SLC6A3: variants seen among roughly 807,000 people sequenced by gnomAD.
The protein encoded by SLC6A3 is sodium-dependent dopamine transporter.
In SLC6A3, 19 loss-of-function variants were observed where a neutral mutation model predicts 70.4. The observed-to-expected ratio is 0.27, with a 90% CI of 0.19 to 0.40. The LOEUF is 0.40. Among genes scored for constraint, SLC6A3 ranks in the 10% least tolerant of loss-of-function variants. The probability of loss-of-function intolerance (pLI) is 1.00; values close to 1 mark genes in which losing one functional copy is unlikely to be tolerated. For synonymous variants in SLC6A3, 368 were observed against 356.6 expected (o/e 1.03, Z -0.36); for missense variants, 613 against 838.5 (o/e 0.73, Z 3.32).
At chr5:1,415,618 G>T (rs1267972786) in intron 7 of SLC6A3, among the ~76,000 whole-genome samples, 1 of 152,180 alleles carries the variant, frequency 6.6e-6, no homozygotes, top group African/African-American at 2.4e-5. Context: ...ATAAAATTCT[G>T]TTTCTGTTTT....
chr5:1,416,188 G>A lies in SLC6A3; in HGVS notation c.941C>T (p.Ala314Val), dbSNP rs747783826. 10 of 1,613,156 alleles carry A rather than the reference G, an allele frequency of 6.2e-6. No individual in the cohort carries two copies. The highest frequency in any genetic ancestry group is 1.1e-5 in the South Asian group (1 of 91,082). Residue 314 changes from alanine (A) to valine (V), a missense_variant, in exon 7 of 15, where the codon GCG (alanine) becomes GTG (valine). This residue lies in a region of SLC6A3 where 348 missense variants were observed against 481.2 expected (regional missense o/e 0.72). Transcript: ENST00000270349. ...CAGGGAGAAGCACACCTGGGTGGCC[G>A]CGTCAATCCAAACCTGCAGAGCCAG... ...RLCEASVWID[A>V]ATQVCFSLGV...
intron 3 of SLC6A3, 23 bp downstream of exon 3, chr5:1,441,336 G>T (rs761486588): frequency 6.2e-7 from 1 of 1,614,138 alleles, no homozygotes; most frequent in Non-Finnish European, 8.5e-7. Context: ...GCGCCAGGGT[G>T]AAGGGAGGCA....
rs1263053743 is a variant in SLC6A3 at position 1,414,827 on chromosome 5, A to G, written c.1032-12T>C. The G allele has an allele frequency of 6.2e-6, 10 of 1,612,832 alleles. No homozygotes were observed. Among genetic ancestry groups the G allele is most frequent in the Non-Finnish European group, 8.5e-6 (10 of 1,179,804 alleles). ...TGACAATCGCGTCCCTGTAAGAACA[A>G]GACACGCCGTCTCAGGAACCAGCTG... On this transcript the variant is annotated splice_polypyrimidine_tract_variant and intron_variant, in intron 7 of 14. Transcript: ENST00000270349.
chr5:1,414,909 G>C, intron 7 of SLC6A3, 94 bp from the exon 8 acceptor site: 1 of 1,528,424 alleles, frequency 6.5e-7, no homozygotes. Flanking sequence ...GTCTGGGGAA[G>C]GGGGCGGGAG....
At position 1,411,339 on chromosome 5, in the gene SLC6A3, G is replaced by A; in HGVS notation, c.1173C>T (p.Phe391=). ...TGGCGATGGCTTCCGGGTAGATGAT[G>A]AAGATCAGCCCTGGCCCTGAAACAG... is the stretch of plus-strand genomic sequence containing the variant. The part of the protein sequence containing the change: ...DVAKDGPGLI[F]IIYPEAIATL... Residue 391 remains phenylalanine, a synonymous_variant, in exon 9 of 15, where the codon TTC becomes TTT. Coordinates refer to ENST00000270349, the MANE Select transcript of SLC6A3 (RefSeq NM_001044.5). The surrounding 1 kb of genome is among the most constrained non-coding windows in gnomAD (Gnocchi z 6.5). 6.4e-7 allele frequency: 1 copy of A among 1,551,404 alleles called. No homozygotes were observed. Among genetic ancestry groups the A allele is most frequent in the African/African-American group, 1.4e-5 (1 of 73,204 alleles).
intron 3 of SLC6A3, among the ~76,000 whole-genome samples, chr5:1,439,091 G>A (rs1048538088): frequency 3.3e-5 from 5 of 152,208 alleles, no homozygotes; most frequent in Admixed American, 1.3e-4. Context: ...TCACTGCAAC[G>A]CCGGATTTGA....
In SLC6A3 at chr5:1,421,869, G is replaced by A. The variant is rs370881183; in HGVS notation, c.792+7C>T. ...TACAGGCCCAATTGGTGACCCCCGA[G>A]CCTCACCTTCCCTGAGGTCTTCACG... On this transcript the variant is annotated splice_region_variant and intron_variant, in intron 5 of 14. Coordinates refer to ENST00000270349, the MANE Select transcript of SLC6A3 (RefSeq NM_001044.5). The surrounding 1 kb of genome is among the most constrained non-coding windows in gnomAD (Gnocchi z 7.2). The A allele has an allele frequency of 1.9e-4, 307 of 1,613,158 alleles. No individual in the cohort carries two copies. The Middle Eastern group carries it at 4.5e-3, about 23-fold the overall frequency.
chr5:1,444,147 C>T (rs2550965), intron 1 of SLC6A3, among the ~76,000 whole-genome samples: 1 of 152,182 alleles, frequency 6.6e-6, no homozygotes, highest in Admixed American at 6.5e-5. Context: ...CACCACCCCG[C>T]GTGAGAGAGC....
chr5:1,408,623 G>C lies in SLC6A3; in HGVS notation c.1498+403C>G, dbSNP rs1430113379. Among the ~76,000 whole-genome samples the C allele has an allele frequency of 6.6e-6, 1 of 152,186 alleles. No homozygotes were observed. Among genetic ancestry groups the C allele is most frequent in the Admixed American group, 6.5e-5 (1 of 15,278 alleles). On this transcript the variant is annotated intron_variant, in intron 11 of 14. Transcript: ENST00000270349. This position sits in a 1 kb window ranked among gnomAD's most constrained non-coding sequence, Gnocchi z 6.4. ...TCGAGCGCCGCCCGCTGATCATCAG[G>C]TCCCGACTGCTCTGGAGCTCTGGTC...
chr5:1,443,084 G>A lies in SLC6A3; in HGVS notation c.114C>T (p.Asn38=), dbSNP rs6350. Residue 38 remains asparagine (N), a synonymous_variant, in exon 2 of 15, where the codon AAC becomes AAT. Transcript: ENST00000270349. ...GGGTGGAGCTGGTGAGCTGCACTCC[G>A]TTCTGCTCCTTGACAAGGATGAGCT... The part of the protein sequence containing the change: ...EVELILVKEQ[N]GVQLTSSTLT... 103,617 of 1,614,116 alleles carry A rather than the reference G, an allele frequency of 0.064. 3,584 individuals are homozygous for A. The highest frequency in any genetic ancestry group is 0.083 in the Middle Eastern group (503 of 6,062).
Position 1,404,270 on chromosome 5 carries a change from A to C in SLC6A3, c.1600-1181T>G, listed in dbSNP as rs1258395163. ...CTGTCACGTGACCAGAGCCAGGGTG[A>C]GCAGCACTTTGGCGAGCAAAGCCAG... On this transcript the variant is annotated intron_variant, in intron 12 of 14. Transcript: ENST00000270349. The surrounding 1 kb of genome is among the most constrained non-coding windows in gnomAD (Gnocchi z 5.2). Among the ~76,000 whole-genome samples, 3 of 152,200 alleles carry C rather than the reference A, an allele frequency of 2.0e-5. No homozygotes were observed. The highest frequency in any genetic ancestry group is 4.4e-5 in the Non-Finnish European group (3 of 68,030).
rs1756837440 is a variant in SLC6A3 at position 1,436,409 on chromosome 5, G to A, written c.419-3711C>T. ...GTGACACGGGAGACTGTCTCCCCAA[G>A]GAGGTGGCAGGCAAAGTCCCTGCTC... On this transcript the variant is annotated intron_variant, in intron 3 of 14. Coordinates refer to ENST00000270349, the MANE Select transcript of SLC6A3 (RefSeq NM_001044.5). This position sits in a 1 kb window ranked among gnomAD's most constrained non-coding sequence, Gnocchi z 5.2. Among the ~76,000 whole-genome samples the A allele has an allele frequency of 2.6e-5, 4 of 152,170 alleles. No homozygotes were observed. In the South Asian group the frequency reaches 6.2e-4, roughly 24 times the overall value.
At chr5:1,422,749 G>T (rs1236542227) in intron 4 of SLC6A3, among the ~76,000 whole-genome samples, 1 of 57,190 alleles carries the variant, frequency 1.7e-5, no homozygotes, top group Non-Finnish European at 3.1e-5. Context: ...GCTGCCCAGT[G>T]CTGCCCAAGG....
chr5:1,410,963 CAT>C (rs964020849), intron 9 of SLC6A3, among the ~76,000 whole-genome samples: 1 of 151,546 alleles, frequency 6.6e-6, no homozygotes, highest in African/African-American at 2.4e-5. Flanking sequence ...TGTGTGTGTG[CAT>C]GTGTGTGCAC....
Position 1,437,286 on chromosome 5 carries a change from G to A in SLC6A3, c.418+4073C>T, listed in dbSNP as rs1756860717. On this transcript the variant is annotated intron_variant, in intron 3 of 14. Transcript: ENST00000270349. This position sits in a 1 kb window ranked among gnomAD's most constrained non-coding sequence, Gnocchi z 4.8. Reference sequence around the variant, plus strand: ...AAAAAAGAAAAGAAAAGAAAAGAAAGAGGGGAGAGGACGCCTCTCTGTGTC... The same window carrying A: ...AAAAAAGAAAAGAAAAGAAAAGAAAAAGGGGAGAGGACGCCTCTCTGTGTC... Among the ~76,000 whole-genome samples, 1 of 151,686 alleles carries A rather than the reference G, an allele frequency of 6.6e-6. No homozygotes were observed. Among genetic ancestry groups the A allele is most frequent in the Admixed American group, 6.6e-5 (1 of 15,236 alleles).
chr5:1,400,777 G>T, intron 14 of SLC6A3, 138 bp downstream of exon 14: 1 of 728,748 alleles, frequency 1.4e-6, no homozygotes. Flanking sequence ...CTGGCTGCCT[G>T]TCCTCATAGA....
rs547339552 is a variant in SLC6A3 at position 1,433,558 on chromosome 5, C to T, written c.419-860G>A. ...ATCCTCAACCATTCATGGCCATCCA[C>T]GGCCATCCACATCCATCCGCAGCCA... On this transcript the variant is annotated intron_variant, in intron 3 of 14. Transcript: ENST00000270349. Among the ~76,000 whole-genome samples, 25 of 152,218 alleles carry T rather than the reference C, an allele frequency of 1.6e-4. No homozygotes were observed. The South Asian group carries it at 3.1e-3, about 19-fold the overall frequency.
rs1286936299 is a variant in SLC6A3, at chr5:1,406,205, TGACCAGCTTCCAG to T, written c.1569_1581del (p.Cys523Ter). 6.2e-7 allele frequency: 1 copy of T among 1,612,508 alleles called. No individual in the cohort carries two copies. The highest frequency in any genetic ancestry group is 8.5e-7 in the Non-Finnish European group (1 of 1,179,592). Reference sequence around the variant, plus strand: ...TCCCTTACCAGGAGAAAGCAGGGGCTGACCAGCTTCCAGCACAGCCGCCAGTACAGGCTGGGCC... The same window carrying T: ...TCCCTTACCAGGAGAAAGCAGGGGCTCACAGCCGCCAGTACAGGCTGGGCC... On this transcript the variant is annotated frameshift_variant, in exon 12 of 15. Transcript: ENST00000270349. LOFTEE classifies it high-confidence loss of function. The surrounding 1 kb of genome is among the most constrained non-coding windows in gnomAD (Gnocchi z 8.8).
chr5:1,403,227 A>G (rs959825680), intron 12 of SLC6A3, 138 bp from the exon 13 acceptor site: 1 of 959,994 alleles, frequency 1.0e-6, no homozygotes, highest in African/African-American at 1.6e-5. Context: ...CCAGGCCTGC[A>G]GACATGGCAG....
Sources: gnomAD v4.1 joint callset for allele counts (sites outside exome capture counted in the v4.1 genomes callset) on GRCh38, gnomAD v4.1.1 for gene constraint, gnomAD v4.1.1 regional missense constraint, Gnocchi (gnomAD v3.1) non-coding constraint, MANE v1.5 for transcripts, NCBI Gene and HGNC (gene_info 2026-07-23, HGNC 2026-07-21) for gene names.